The following THSD7A variants were observed in gnomAD, a reference collection of about 807,000 sequenced individuals.
THSD7A encodes thrombospondin type-1 domain-containing protein 7A.
THSD7A carries 96 observed loss-of-function variants against 231.3 expected under a neutral mutation model. The ratio of observed to expected loss-of-function variants is 0.41; its 90% CI spans 0.35 to 0.49. The LOEUF is 0.49. Among genes scored for constraint, THSD7A ranks in the 20% least tolerant of loss-of-function variants. The probability of loss-of-function intolerance (pLI) is 0.05; values close to 1 mark genes in which losing one functional copy is unlikely to be tolerated. For synonymous variants in THSD7A, 940 were observed against 743.3 expected (o/e 1.26, Z -4.30); for missense variants, 2,290 against 2,070.2 (o/e 1.11, Z -2.06).
rs767231155 is a variant in THSD7A, at chr7:11,636,513, C to G, written c.639G>C (p.Gly213=). 1 of 1,613,870 alleles carries G rather than the reference C, an allele frequency of 6.2e-7. No individual in the cohort carries two copies. Among genetic ancestry groups the G allele is most frequent in the South Asian group, 1.1e-5 (1 of 91,076 alleles). The change falls in exon 2 of 28, where the codon GGG becomes GGC. Residue 213 remains glycine, a synonymous_variant. Coordinates refer to ENST00000423059, the MANE Select transcript of THSD7A (RefSeq NM_015204.3). The surrounding 1 kb of genome is among the most constrained non-coding windows in gnomAD (Gnocchi z 10.0). The part of the protein sequence containing the change: ...WSECSKTCGS[G]LQHRTRHVVA... ...CCACATGACGCGTCCGGTGCTGGAG[C>G]CCGCTGCCGCAGGTCTTGGAGCATT...
rs1445404568 is a variant in THSD7A, at chr7:11,446,405, C to T, written c.2801-81G>A. ...ACACATCCCTAAATTTTCTGCTTTCCTAATTTCTTTTTCTTCATTTTTAAC... is the reference window on the plus strand; with the variant it reads ...ACACATCCCTAAATTTTCTGCTTTCTTAATTTCTTTTTCTTCATTTTTAAC... On this transcript the variant is annotated intron_variant, in intron 12 of 27. Transcript: ENST00000423059. The surrounding 1 kb of genome is among the most constrained non-coding windows in gnomAD (Gnocchi z 4.0). The T allele has an allele frequency of 6.2e-6, 9 of 1,443,670 alleles. No individual in the cohort carries two copies. The East Asian group carries it at 9.1e-5, about 15-fold the overall frequency. 89.4% of individuals were successfully genotyped at this position (1,443,670 alleles called of 1,614,324 possible).
At chr7:11,497,130 C>G (rs757573155) in intron 6 of THSD7A, among the ~76,000 whole-genome samples, 2 of 152,106 alleles carry the variant, frequency 1.3e-5, no homozygotes, top group Non-Finnish European at 2.9e-5. Flanking sequence ...CACATGGTGG[C>G]AGGAAGCAGA....
chr7:11,479,228 C>T (rs1343092626), intron 7 of THSD7A, among the ~76,000 whole-genome samples: 1 of 152,138 alleles, frequency 6.6e-6, no homozygotes, highest in Admixed American at 6.6e-5. Context: ...CCTAGTCTAT[C>T]CTTATTAATT....
chr7:11,582,558 G>T (rs548422437), intron 4 of THSD7A, among the ~76,000 whole-genome samples: 1 of 151,894 alleles, frequency 6.6e-6, no homozygotes, highest in African/African-American at 2.4e-5. Flanking sequence ...TTCTTGGTTT[G>T]ATTTCCTTCT....
intron 23 of THSD7A, among the ~76,000 whole-genome samples, chr7:11,396,018 T>G (rs1313498199): frequency 6.6e-6 from 1 of 152,196 alleles, no homozygotes; most frequent in Non-Finnish European, 1.5e-5. Context: ...ACATGGAAAC[T>G]GAACAACCTG....
chr7:11,474,426 C>T lies in THSD7A; in HGVS notation c.2160G>A (p.Thr720=), dbSNP rs779818472. 14 of 1,613,574 alleles carry T rather than the reference C, an allele frequency of 8.7e-6. No homozygotes were observed. The highest frequency in any genetic ancestry group is 2.2e-5 in the East Asian group (1 of 44,842). ...AGCAGGAGGCCTCCCCATTCCAAGTCGTAGTTGTGTTGAAGGACGATACTG... is the reference window on the plus strand; with the variant it reads ...AGCAGGAGGCCTCCCCATTCCAAGTTGTAGTTGTGTTGAAGGACGATACTG... ...DTSVSSFNTT[T]TWNGEASCSV... Residue 720 remains threonine (T), a synonymous_variant, in exon 8 of 28, where the codon ACG becomes ACA. Coordinates refer to ENST00000423059, the MANE Select transcript of THSD7A (RefSeq NM_015204.3). This position sits in a 1 kb window ranked among gnomAD's most constrained non-coding sequence, Gnocchi z 4.1.
At chr7:11,401,701 C>A in intron 23 of THSD7A, 94 bp downstream of exon 23, 1 of 1,216,786 alleles carries the variant, frequency 8.2e-7, no homozygotes, top group South Asian at 1.7e-5. Flanking sequence ...CGTGAGCCAC[C>A]GCACGTGGCC....
At chr7:11,620,877 G>A (rs1219561672) in intron 2 of THSD7A, among the ~76,000 whole-genome samples, 1 of 152,046 alleles carries the variant, frequency 6.6e-6, no homozygotes, top group Admixed American at 6.6e-5. Flanking sequence ...AGCTCACTAT[G>A]GACTATTCAG....
At chr7:11,664,817 C>T (rs1303851800) in intron 1 of THSD7A, among the ~76,000 whole-genome samples, 1 of 151,956 alleles carries the variant, frequency 6.6e-6, no homozygotes, top group South Asian at 2.1e-4. Context: ...AAACACCATC[C>T]ATGGATAACC....
intron 1 of THSD7A, among the ~76,000 whole-genome samples, chr7:11,686,995 C>T (rs920716358): frequency 2.0e-5 from 3 of 151,526 alleles, no homozygotes; most frequent in African/African-American, 7.3e-5. Flanking sequence ...ATAAACAAAC[C>T]CAAATACCTC....
At chr7:11,503,556 G>C (rs1463409565) in intron 6 of THSD7A, among the ~76,000 whole-genome samples, 1 of 151,148 alleles carries the variant, frequency 6.6e-6, no homozygotes, top group Non-Finnish European at 1.5e-5. Context: ...TGCAAACTAT[G>C]CATCTGACAA....
rs529747124 is a variant in THSD7A at position 11,625,750 on chromosome 7, T to A, written c.1022+10380A>T. On this transcript the variant is annotated intron_variant, in intron 2 of 27. Coordinates refer to ENST00000423059, the MANE Select transcript of THSD7A (RefSeq NM_015204.3). ...ATGATTTATTAAATTCCCTCTTTTATGGGAATTTGTATTTTCTTTTGAAAG... is the reference window on the plus strand; with the variant it reads ...ATGATTTATTAAATTCCCTCTTTTAAGGGAATTTGTATTTTCTTTTGAAAG... Among the ~76,000 whole-genome samples the A allele has an allele frequency of 3.3e-5, 5 of 152,272 alleles. No homozygotes were observed. The East Asian group carries it at 9.6e-4, about 29-fold the overall frequency.
At chr7:11,543,752 T>C (rs1583941410) in intron 4 of THSD7A, among the ~76,000 whole-genome samples, 1 of 152,234 alleles carries the variant, frequency 6.6e-6, no homozygotes, top group Non-Finnish European at 1.5e-5. Flanking sequence ...AATTTATAAT[T>C]ATCTACATTT....
At chr7:11,695,331 T>C (rs948808886) in intron 1 of THSD7A, among the ~76,000 whole-genome samples, 4 of 151,518 alleles carry the variant, frequency 2.6e-5, no homozygotes, top group Admixed American at 2.6e-4. Flanking sequence ...TTGATTCATT[T>C]ATCCAATTTT....
chr7:11,720,949 T>C (rs1781329476), intron 1 of THSD7A, among the ~76,000 whole-genome samples: 1 of 151,820 alleles, frequency 6.6e-6, no homozygotes, highest in Admixed American at 6.6e-5. Context: ...TGTTTAGTCC[T>C]CTTCTATTTT....
At chr7:11,672,796 A>G (rs11972553) in intron 1 of THSD7A, among the ~76,000 whole-genome samples, 9,039 of 152,224 alleles carry the variant, frequency 0.059, 893 homozygotes, top group African/African-American at 0.21. Context: ...AAGCAAATTC[A>G]TCAATCTTTT....
chr7:11,461,390 A>G (rs1028178979), intron 10 of THSD7A, among the ~76,000 whole-genome samples: 3 of 152,204 alleles, frequency 2.0e-5, no homozygotes, highest in African/African-American at 4.8e-5. Context: ...TTGATGCCAT[A>G]ATACTTCATT....
At chr7:11,730,602 T>C (rs143183093) in intron 1 of THSD7A, among the ~76,000 whole-genome samples, 2,555 of 151,792 alleles carry the variant, frequency 0.017, 81 homozygotes, top group African/African-American at 0.059. Context: ...TGTTTTCTTC[T>C]GCATCTTACT....
chr7:11,546,074 A>T (rs956389111), intron 4 of THSD7A, among the ~76,000 whole-genome samples: 2 of 152,130 alleles, frequency 1.3e-5, no homozygotes, highest in Non-Finnish European at 1.5e-5. Flanking sequence ...CTTCATTGGT[A>T]GGTACCACCA....
Sources: allele counts gnomAD v4.1 joint callset (sites outside exome capture counted in the v4.1 genomes callset), GRCh38; gene constraint gnomAD v4.1.1; non-coding constraint Gnocchi (gnomAD v3.1); transcripts MANE v1.5; gene names NCBI Gene and HGNC (gene_info 2026-07-23, HGNC 2026-07-21).